GALNT13: variants seen among roughly 807,000 people sequenced by gnomAD.
GALNT13 encodes polypeptide N-acetylgalactosaminyltransferase 13.
A neutral mutation model predicts 64.2 loss-of-function variants in GALNT13; 28 were observed. The ratio of observed to expected loss-of-function variants is 0.44; its 90% CI spans 0.32 to 0.60. GALNT13 has a LOEUF of 0.60. Ranked by LOEUF, GALNT13 falls within the 20% of genes least tolerant of loss-of-function variation. The probability of loss-of-function intolerance (pLI) is 0.05; values close to 1 mark genes in which losing one functional copy is unlikely to be tolerated. For synonymous variants in GALNT13, 214 were observed against 224.6 expected (o/e 0.95, Z 0.42); for missense variants, 577 against 669.8 (o/e 0.86, Z 1.53).
the GALNT13 span, among the ~76,000 whole-genome samples, chr2:153,581,702 T>C: frequency 2.0e-5 from 3 of 151,874 alleles, no homozygotes; most frequent in Non-Finnish European, 2.9e-5. Context: ...AATTAATTAA[T>C]CTATGTATTT....
the GALNT13 span, among the ~76,000 whole-genome samples, chr2:153,250,004 A>G: frequency 1.3e-5 from 2 of 152,186 alleles, no homozygotes; most frequent in Non-Finnish European, 2.9e-5. Context: ...AAAACACAAA[A>G]AGCAACTGCA....
the GALNT13 span, among the ~76,000 whole-genome samples, chr2:153,600,016 C>T: frequency 4.6e-3 from 693 of 152,064 alleles, 5 homozygotes; most frequent in African/African-American, 0.016. Flanking sequence ...CTCATCTTCA[C>T]TCTACTGCCA....
intron 3 of GALNT13, among the ~76,000 whole-genome samples, chr2:154,129,006 A>G (rs1004073498): frequency 3.3e-5 from 5 of 152,122 alleles, no homozygotes; most frequent in African/African-American, 1.2e-4. Flanking sequence ...GGAAATGCAA[A>G]TCTTACAAAT....
chr2:153,650,142 G>A, the GALNT13 span, among the ~76,000 whole-genome samples: 1 of 152,252 alleles, frequency 6.6e-6, no homozygotes, highest in African/African-American at 2.4e-5. Flanking sequence ...ATGAATCTGG[G>A]TGCTTCTGTA....
the GALNT13 span, among the ~76,000 whole-genome samples, chr2:153,227,017 G>A: frequency 1.3e-5 from 2 of 152,148 alleles, no homozygotes; most frequent in African/African-American, 4.8e-5. Flanking sequence ...TTGAAGGAGA[G>A]AGTGGGGCAA....
In GALNT13 at chr2:154,224,932, G is replaced by A. The variant is rs191414447; in HGVS notation, c.312-17098G>A. Among the ~76,000 whole-genome samples the A allele has an allele frequency of 2.4e-3, 364 of 152,128 alleles. 10 individuals are homozygous for A. The highest frequency in any genetic ancestry group is 0.021 in the Admixed American group (317 of 15,250). Reference sequence around the variant, plus strand: ...CAATAAGTTAAATGAAAAGACAAACGTCAAACTGATAGAAAATATTTCCAG... The same window carrying A: ...CAATAAGTTAAATGAAAAGACAAACATCAAACTGATAGAAAATATTTCCAG... On this transcript the variant is annotated intron_variant, in intron 4 of 12. Transcript: ENST00000392825.
At chr2:154,074,939 A>G (rs1348699306) in intron 3 of GALNT13, among the ~76,000 whole-genome samples, 1 of 151,942 alleles carries the variant, frequency 6.6e-6, no homozygotes, top group Non-Finnish European at 1.5e-5. Context: ...TCCACGGCCA[A>G]CATCATACTG....
At chr2:154,208,246 G>A (rs1687570774) in intron 4 of GALNT13, among the ~76,000 whole-genome samples, 1 of 152,038 alleles carries the variant, frequency 6.6e-6, no homozygotes, top group African/African-American at 2.4e-5. Context: ...ATGATATTCA[G>A]TAAGCATAAT....
chr2:153,535,090 G>A, the GALNT13 span, among the ~76,000 whole-genome samples: 3 of 152,122 alleles, frequency 2.0e-5, no homozygotes, highest in Non-Finnish European at 4.4e-5. Context: ...ATTAGGGGCG[G>A]CGTGGGAACC....
At chr2:153,816,002 C>G in the GALNT13 span, among the ~76,000 whole-genome samples, 2 of 152,186 alleles carry the variant, frequency 1.3e-5, no homozygotes, top group Non-Finnish European at 2.9e-5. Context: ...CACTCACTCA[C>G]AAGTATGCTT....
At chr2:153,160,084 T>C in the GALNT13 span, among the ~76,000 whole-genome samples, 298 of 152,338 alleles carry the variant, frequency 2.0e-3, 4 homozygotes, top group African/African-American at 7.0e-3. Flanking sequence ...GGAAGCAATC[T>C]TGGGATGTAG....
chr2:154,211,237 C>T (rs1324091601), intron 4 of GALNT13, among the ~76,000 whole-genome samples: 1 of 152,082 alleles, frequency 6.6e-6, no homozygotes, highest in Non-Finnish European at 1.5e-5. Context: ...CTATTGCTCC[C>T]AGGCTACAAA....
the GALNT13 span, among the ~76,000 whole-genome samples, chr2:153,288,614 T>C: frequency 6.6e-6 from 1 of 152,214 alleles, no homozygotes; most frequent in East Asian, 1.9e-4. Flanking sequence ...ATTGCAGTGC[T>C]TGTGTGTAAG....
the GALNT13 span, chr2:153,478,494 C>A: frequency 2.5e-6 from 4 of 1,611,260 alleles, no homozygotes; most frequent in Non-Finnish European, 3.4e-6. Flanking sequence ...GCACGGCTCG[C>A]TCCAGCGCCT....
At chr2:154,089,194 T>A (rs1399521652) in intron 3 of GALNT13, among the ~76,000 whole-genome samples, 1 of 152,114 alleles carries the variant, frequency 6.6e-6, no homozygotes, top group Non-Finnish European at 1.5e-5. Context: ...TCTGTTCTTA[T>A]GGACTGCCTA....
chr2:154,078,016 T>G (rs545416689), intron 3 of GALNT13, among the ~76,000 whole-genome samples: 1 of 151,548 alleles, frequency 6.6e-6, no homozygotes, highest in African/African-American at 2.4e-5. Context: ...TAAACCGTGT[T>G]GTAGAAAAAT....
At chr2:153,439,063 G>T in the GALNT13 span, among the ~76,000 whole-genome samples, 1 of 152,186 alleles carries the variant, frequency 6.6e-6, no homozygotes, top group Non-Finnish European at 1.5e-5. Context: ...TTGCAGGTCT[G>T]TTGGAGTTTG....
At chr2:153,435,552 G>A in the GALNT13 span, among the ~76,000 whole-genome samples, 1 of 151,480 alleles carries the variant, frequency 6.6e-6, no homozygotes, top group South Asian at 2.1e-4. Context: ...CACGTCCCTT[G>A]TAAGTTGGAT....
chr2:153,800,111 A>C, the GALNT13 span, among the ~76,000 whole-genome samples: 1 of 139,274 alleles, frequency 7.2e-6, no homozygotes, highest in South Asian at 2.3e-4. Context: ...ACACACATGC[A>C]TATCTCAGAG....
Sources: gnomAD v4.1 joint callset for allele counts (sites outside exome capture counted in the v4.1 genomes callset) on GRCh38, gnomAD v4.1.1 for gene constraint, MANE v1.5 for transcripts, NCBI Gene and HGNC (gene_info 2026-07-23, HGNC 2026-07-21) for gene names.